The following FRMD4B variants were observed in gnomAD, a reference collection of about 807,000 sequenced individuals.
FRMD4B encodes the protein FERM domain containing 4B.
In FRMD4B, 74 loss-of-function variants were observed where a neutral mutation model predicts 141.5. That is an observed-to-expected ratio of 0.52 (90% CI 0.43 to 0.63). The LOEUF is 0.63. Among genes scored for constraint, FRMD4B ranks in the 30% least tolerant of loss-of-function variants. FRMD4B has a pLI of 0.00. For synonymous variants in FRMD4B, 506 were observed against 467.9 expected, an observed-to-expected ratio of 1.08 and a Z score of -1.05; for missense variants, 1,366 against 1,253.4, an observed-to-expected ratio of 1.09 and a Z score of -1.36.
chr3:69,522,807 T>TG (rs1330108156), intron 1 of FRMD4B, among the ~76,000 whole-genome samples: 1 of 152,158 alleles, frequency 6.6e-6, no homozygotes, highest in Non-Finnish European at 1.5e-5. Context: ...TAAGGGAGCC[T>TG]GGCAAATGTT....
upstream of FRMD4B, among the ~76,000 whole-genome samples, chr3:69,389,505 T>C (rs566838206): frequency 1.3e-5 from 2 of 152,240 alleles, no homozygotes; most frequent in Non-Finnish European, 2.9e-5. Flanking sequence ...AAAAGCTTTT[T>C]GAGCTTGATC....
Position 69,311,314 on chromosome 3 carries a change from T to C in FRMD4B, c.272A>G (p.His91Arg). 1 of 1,602,772 alleles carries C rather than the reference T, an allele frequency of 6.2e-7. No individual in the cohort carries two copies. The highest frequency in any genetic ancestry group is 8.5e-7 in the Non-Finnish European group (1 of 1,170,242). ...ARELLDLVAS[H>R]FNLKEKEYFG... ...ATACTCCTTTTCTTTCAGGTTGAAATGTGAAGCCACTAGGTCCAGCAACTC... is the reference window on the plus strand; with the variant it reads ...ATACTCCTTTTCTTTCAGGTTGAAACGTGAAGCCACTAGGTCCAGCAACTC... The change falls in exon 3 of 23, where the codon CAT (histidine) becomes CGT (arginine). Residue 91 changes from histidine to arginine, a missense_variant. By Grantham distance (29) the His-to-Arg change is conservative. Coordinates refer to ENST00000398540, the MANE Select transcript of FRMD4B (RefSeq NM_015123.3).
At chr3:69,257,562 C>T (rs1470262213) in intron 5 of FRMD4B, among the ~76,000 whole-genome samples, 2 of 152,152 alleles carry the variant, frequency 1.3e-5, no homozygotes, top group African/African-American at 4.8e-5. Flanking sequence ...ATATTTTATA[C>T]TAACCTTAAT....
chr3:69,253,690 T>C (rs928147328), intron 5 of FRMD4B, among the ~76,000 whole-genome samples: 4 of 152,180 alleles, frequency 2.6e-5, no homozygotes, highest in Non-Finnish European at 5.9e-5. Flanking sequence ...AATTAACTTG[T>C]AGAACACCAA....
chr3:69,341,621 C>T (rs1402958635), intron 1 of FRMD4B, among the ~76,000 whole-genome samples: 2 of 152,168 alleles, frequency 1.3e-5, no homozygotes, highest in Non-Finnish European at 2.9e-5. Context: ...AACCTTGTTT[C>T]TTGGGCATTG....
At chr3:69,408,673 G>A (rs765732335) in intron 2 of FRMD4B, among the ~76,000 whole-genome samples, 2 of 152,140 alleles carry the variant, frequency 1.3e-5, no homozygotes, top group Non-Finnish European at 2.9e-5. Context: ...GGAGTGGGGG[G>A]TGGACAATAA....
chr3:69,348,261 C>G (rs2107416707), intron 1 of FRMD4B, among the ~76,000 whole-genome samples: 1 of 152,262 alleles, frequency 6.6e-6, no homozygotes, highest in South Asian at 2.1e-4. Flanking sequence ...TCGACACATA[C>G]ACCCTCCCAA....
At chr3:69,248,444 T>C (rs2093439800) in intron 7 of FRMD4B, among the ~76,000 whole-genome samples, 1 of 152,184 alleles carries the variant, frequency 6.6e-6, no homozygotes, top group African/African-American at 2.4e-5. Flanking sequence ...TTGGAAGGCA[T>C]TATTTTGTTA....
intron 1 of FRMD4B, among the ~76,000 whole-genome samples, chr3:69,441,990 A>C (rs1033024265): frequency 1.1e-4 from 17 of 152,194 alleles, no homozygotes; most frequent in Admixed American, 1.1e-3. Flanking sequence ...AGAGATAGCT[A>C]TTAAGTTTAT....
intron 11 of FRMD4B, among the ~76,000 whole-genome samples, chr3:69,201,917 G>A (rs2107673490): frequency 6.6e-6 from 1 of 152,232 alleles, no homozygotes; most frequent in South Asian, 2.1e-4. Flanking sequence ...TGGGCGTGGT[G>A]GGTTGGCCGG....
intron 1 of FRMD4B, among the ~76,000 whole-genome samples, chr3:69,326,514 C>G (rs941771356): frequency 1.3e-5 from 2 of 152,210 alleles, no homozygotes; most frequent in Non-Finnish European, 2.9e-5. Context: ...CCATAAAATG[C>G]AAGTTAATAT....
intron 2 of FRMD4B, among the ~76,000 whole-genome samples, chr3:69,312,907 A>G (rs1027951051): frequency 6.6e-6 from 1 of 151,936 alleles, no homozygotes; most frequent in East Asian, 1.9e-4. Context: ...AAATATATCT[A>G]TCTATATCAT....
At chr3:69,463,219 G>C (rs1277903410) in intron 1 of FRMD4B, among the ~76,000 whole-genome samples, 1 of 152,174 alleles carries the variant, frequency 6.6e-6, no homozygotes, top group Non-Finnish European at 1.5e-5. Context: ...GGCAACCACT[G>C]TTCTGATTTA....
intron 1 of FRMD4B, among the ~76,000 whole-genome samples, chr3:69,518,433 C>A (rs1169766201): frequency 6.6e-6 from 1 of 152,126 alleles, no homozygotes; most frequent in Non-Finnish European, 1.5e-5. Flanking sequence ...GTCTCCCATT[C>A]TGATGGTGAA....
chr3:69,496,637 AAGAGAGAG>A (rs1169584495), intron 1 of FRMD4B, among the ~76,000 whole-genome samples: 250 of 56,506 alleles, frequency 4.4e-3, no homozygotes, highest in East Asian at 0.011. Context: ...GAGAGAGAGA[AAGAGAGAG>A]AGAGAGAGAG....
intron 1 of FRMD4B, among the ~76,000 whole-genome samples, chr3:69,376,555 C>T (rs1384143869): frequency 1.3e-5 from 2 of 151,440 alleles, no homozygotes; most frequent in Non-Finnish European, 2.9e-5. Flanking sequence ...AACACACACA[C>T]AAAATTTAAG....
intron 5 of FRMD4B, among the ~76,000 whole-genome samples, chr3:69,252,970 C>T (rs935781529): frequency 6.6e-6 from 1 of 152,076 alleles, no homozygotes. Context: ...GCCACACCCT[C>T]ATGGCTAATT....
intron 11 of FRMD4B, among the ~76,000 whole-genome samples, chr3:69,207,098 T>A (rs1206987859): frequency 6.6e-6 from 1 of 151,326 alleles, no homozygotes; most frequent in Non-Finnish European, 1.5e-5. Flanking sequence ...AGGCCATGAG[T>A]TCAAGACCAG....
intron 1 of FRMD4B, among the ~76,000 whole-genome samples, chr3:69,518,396 G>C (rs1436253957): frequency 6.6e-6 from 1 of 152,044 alleles, no homozygotes; most frequent in Non-Finnish European, 1.5e-5. Flanking sequence ...TATAAAGGTG[G>C]CTAAGATGCT....
Sources: allele counts gnomAD v4.1 joint callset (sites outside exome capture counted in the v4.1 genomes callset), GRCh38; gene constraint gnomAD v4.1.1; transcripts MANE v1.5; gene names NCBI Gene and HGNC (gene_info 2026-07-23, HGNC 2026-07-21).